The following ATF7IP variants were observed in gnomAD, a reference collection of about 807,000 sequenced individuals.
ATF7IP encodes the protein activating transcription factor 7-interacting protein 1.
Under a neutral mutation model 106.4 loss-of-function variants are expected in ATF7IP, and 23 were observed. The ratio of observed to expected loss-of-function variants is 0.22; its 90% CI spans 0.16 to 0.31. The LOEUF (loss-of-function observed/expected upper bound fraction) is 0.31. ATF7IP is among the 10% of genes least tolerant of loss of function. The probability of loss-of-function intolerance (pLI) is 1.00; values close to 1 mark genes in which losing one functional copy is unlikely to be tolerated. For missense variants in ATF7IP, 1,334 were observed against 1,524.3 expected (o/e 0.88, Z 2.08); for synonymous variants, 542 against 539.0 (o/e 1.01, Z -0.08).
intron 13 of ATF7IP, among the ~76,000 whole-genome samples, chr12:14,489,820 A>G (rs1011213971): frequency 1.3e-5 from 2 of 152,158 alleles, no homozygotes; most frequent in African/African-American, 2.4e-5. Context: ...GTTAGAGTCA[A>G]TGTTGTGTGG....
rs1408241992 is a variant in ATF7IP at position 14,449,614 on chromosome 12, C to T, written c.1995+2561C>T. Among the ~76,000 whole-genome samples the T allele has an allele frequency of 1.6e-5, 2 of 122,296 alleles. 1 individual carries two copies. The highest frequency in any genetic ancestry group is 3.2e-5 in the Non-Finnish European group (2 of 62,802). 80.2% of individuals were successfully genotyped at this position (122,296 alleles called of 152,430 possible). ...CTTAGCCTAATATGTAATATGTTTT[C>T]AAATCAGGAAGTTTGAAAACCTCCA... On this transcript the variant is annotated intron_variant, in intron 6 of 14. Coordinates refer to ENST00000261168, the MANE Select transcript of ATF7IP (RefSeq NM_018179.5).
chr12:14,473,275 GCTCT>G (rs59477486), intron 10 of ATF7IP, among the ~76,000 whole-genome samples: 2 of 69,454 alleles, frequency 2.9e-5, no homozygotes, highest in African/African-American at 1.7e-4. Context: ...TTTTTAGCGC[GCTCT>G]CTCTCTCTCT....
chr12:14,387,207 A>G lies in ATF7IP; in HGVS notation c.-8+21380A>G, dbSNP rs904564458. Among the ~76,000 whole-genome samples the G allele has an allele frequency of 2.6e-5, 4 of 152,302 alleles. No homozygotes were observed. In the South Asian group the frequency reaches 6.2e-4, roughly 24 times the overall value. ...TCATTCAGTCATATGAACTGTACCT[A>G]AAAAAGAAAAAGAAAAACATTTCAA... On this transcript the variant is annotated intron_variant, in intron 1 of 14. Coordinates refer to ENST00000261168, the MANE Select transcript of ATF7IP (RefSeq NM_018179.5).
At chr12:14,474,875 T>G (rs1322878123) in intron 10 of ATF7IP, among the ~76,000 whole-genome samples, 1 of 152,222 alleles carries the variant, frequency 6.6e-6, no homozygotes, top group African/African-American at 2.4e-5. Flanking sequence ...TTGTTGATGA[T>G]TTTTGGGATC....
intron 1 of ATF7IP, among the ~76,000 whole-genome samples, chr12:14,404,599 G>A: frequency 6.6e-6 from 1 of 152,084 alleles, no homozygotes; most frequent in South Asian, 2.1e-4. Context: ...ATACCCTGGT[G>A]TGTGTATGTA....
Position 14,438,319 on chromosome 12 carries a change from T to A in ATF7IP, c.1929+52T>A, listed in dbSNP as rs961462920. 3 of 1,437,336 alleles carry A rather than the reference T, an allele frequency of 2.1e-6. No homozygotes were observed. The African/African-American group carries it at 4.3e-5, about 21-fold the overall frequency. The allele number at this position is 1,437,336 out of a possible 1,614,324, so 89.0% of individuals were successfully genotyped here. On this transcript the variant is annotated intron_variant, in intron 5 of 14. Transcript: ENST00000261168. ...CTCCATGTGTCATTGTTTTTATAAC[T>A]TATTTTCTGAGATATATATTTGAGA...
At chr12:14,485,459 C>G (rs1383345322) in intron 13 of ATF7IP, among the ~76,000 whole-genome samples, 2 of 152,140 alleles carry the variant, frequency 1.3e-5, no homozygotes, top group African/African-American at 4.8e-5. Context: ...CTATGGCACA[C>G]AAATGTCTCA....
In ATF7IP at chr12:14,492,352, GCA is replaced by G. The variant is rs533207424; in HGVS notation, c.3281-3876_3281-3875del. The stretch of plus-strand genomic sequence containing the variant: ...GTCTGATCGTTTCCTTTTCCGCAAT[GCA>G]CAGTTACCCTGGTAAAAGGCCAGAG... On this transcript the variant is annotated intron_variant, in intron 13 of 14. Transcript: ENST00000261168. Among the ~76,000 whole-genome samples the G allele has an allele frequency of 1.3e-3, 201 of 152,218 alleles. 1 individual carries two copies. Among genetic ancestry groups the G allele is most frequent in the African/African-American group, 4.7e-3 (196 of 41,568 alleles).
At chr12:14,416,549 T>C (rs1941214909) in intron 1 of ATF7IP, among the ~76,000 whole-genome samples, 1 of 152,206 alleles carries the variant, frequency 6.6e-6, no homozygotes, top group East Asian at 1.9e-4. Flanking sequence ...CTATGTGTTG[T>C]ATATGCTTTT....
At chr12:14,416,727 G>T (rs1477615847) in intron 1 of ATF7IP, among the ~76,000 whole-genome samples, 1 of 152,156 alleles carries the variant, frequency 6.6e-6, no homozygotes, top group Non-Finnish European at 1.5e-5. Flanking sequence ...CACATCCTTT[G>T]CATTTTTAAT....
intron 1 of ATF7IP, among the ~76,000 whole-genome samples, chr12:14,421,123 A>G (rs1243109033): frequency 6.6e-6 from 1 of 152,198 alleles, no homozygotes; most frequent in Non-Finnish European, 1.5e-5. Flanking sequence ...TTCTGATCCT[A>G]TTTCAATATC....
intron 1 of ATF7IP, among the ~76,000 whole-genome samples, chr12:14,378,022 T>C (rs948141989): frequency 1.3e-5 from 2 of 152,074 alleles, no homozygotes; most frequent in African/African-American, 4.8e-5. Flanking sequence ...TGAGTTATGA[T>C]ACTTTATACA....
chr12:14,470,791 TTTTA>T (rs975282032), intron 10 of ATF7IP, among the ~76,000 whole-genome samples: 3 of 152,322 alleles, frequency 2.0e-5, no homozygotes, highest in Non-Finnish European at 4.4e-5. Context: ...TAATTACCAA[TTTTA>T]TTTGTCAAAA....
rs1052004152 is a variant in ATF7IP, at chr12:14,434,522, T to C, written c.1645+99T>C. On this transcript the variant is annotated intron_variant, in intron 3 of 14. Coordinates refer to ENST00000261168, the MANE Select transcript of ATF7IP (RefSeq NM_018179.5). ...ATATTCTTTTTTGCCCATGAAATAA[T>C]TGTAAAATTTTGCAATTTCACAACT... is the stretch of plus-strand genomic sequence containing the variant. 4 of 816,102 alleles carry C rather than the reference T, an allele frequency of 4.9e-6. No individual in the cohort carries two copies. The African/African-American group carries it at 5.3e-5, about 11-fold the overall frequency. The allele number at this position is 816,102 out of a possible 1,614,324, so 50.6% of individuals were successfully genotyped here. A position where few individuals can be genotyped will look rare whatever the true frequency, so the allele number is the denominator to read the frequency against.
chr12:14,416,912 T>C, intron 1 of ATF7IP: 1 of 985,248 alleles, frequency 1.0e-6, no homozygotes, highest in Non-Finnish European at 1.2e-6. Flanking sequence ...GGAGATTATA[T>C]AAACTAAGAG....
chr12:14,492,749 T>C (rs1453937665), intron 13 of ATF7IP, among the ~76,000 whole-genome samples: 1 of 152,206 alleles, frequency 6.6e-6, no homozygotes, highest in Non-Finnish European at 1.5e-5. Context: ...CCTTTGACAG[T>C]TGAGTGCCAC....
chr12:14,431,568 A>G (rs188454111), intron 2 of ATF7IP, among the ~76,000 whole-genome samples: 1 of 151,786 alleles, frequency 6.6e-6, no homozygotes, highest in African/African-American at 2.4e-5. Context: ...CTAATTTTTT[A>G]TATTTTTAGT....
chr12:14,437,316 C>A (rs1420578051), intron 4 of ATF7IP, among the ~76,000 whole-genome samples: 1 of 152,100 alleles, frequency 6.6e-6, no homozygotes, highest in Non-Finnish European at 1.5e-5. Flanking sequence ...ATATAGCATA[C>A]ATATTTGCAC....
intron 5 of ATF7IP, among the ~76,000 whole-genome samples, chr12:14,446,678 C>T (rs2136663381): frequency 1.3e-5 from 2 of 152,018 alleles, no homozygotes; most frequent in East Asian, 3.9e-4. Context: ...AAAAAAATAA[C>T]AAAACACAGG....
Sources: gnomAD v4.1 joint callset for allele counts (sites outside exome capture counted in the v4.1 genomes callset) on GRCh38, gnomAD v4.1.1 for gene constraint, MANE v1.5 for transcripts, NCBI Gene and HGNC (gene_info 2026-07-23, HGNC 2026-07-21) for gene names.